The following PUM1 variants were observed in gnomAD, a reference collection of about 807,000 sequenced individuals.
The protein encoded by PUM1 is pumilio homolog 1.
PUM1 carries 13 observed loss-of-function variants against 131.8 expected under a neutral mutation model. That is an observed-to-expected ratio of 0.10 (90% CI 0.06 to 0.16). PUM1 has a LOEUF of 0.16. PUM1 is among the 10% of genes least tolerant of loss of function. The pLI is 1.00. For missense variants in PUM1, 961 were observed against 1,512.4 expected (o/e 0.64, Z 6.05); for synonymous variants, 509 against 556.5 (o/e 0.91, Z 1.20).
At chr1:31,041,352 C>T (rs1006753673) in intron 2 of PUM1, among the ~76,000 whole-genome samples, 22 of 151,212 alleles carry the variant, frequency 1.5e-4, no homozygotes, top group Non-Finnish European at 2.9e-4. Context: ...GCTAGGATTA[C>T]AGGCATGAGC....
intron 9 of PUM1, 40 bp from the exon 10 acceptor site, chr1:30,974,842 C>T (rs116451747): frequency 1.3e-6 from 2 of 1,561,388 alleles, no homozygotes; most frequent in Middle Eastern, 2.0e-4. Context: ...GTCTGAACTA[C>T]TGAGGCTCAT....
rs1641389538 is a variant in PUM1 at position 30,982,389 on chromosome 1, G to A, written c.1159-984C>T. ...ATTACATTTTAGTATGAATAGTATT[G>A]GTATAAAGAAAGGGGATGCCAGTAA... On this transcript the variant is annotated intron_variant, in intron 7 of 21. Transcript: ENST00000426105. Among the ~76,000 whole-genome samples the A allele has an allele frequency of 2.0e-5, 3 of 152,108 alleles. 1 individual carries two copies. The highest frequency in any genetic ancestry group is 6.6e-5 in the Admixed American group (1 of 15,266).
chr1:31,062,803 T>A (rs1393843856), intron 1 of PUM1, among the ~76,000 whole-genome samples: 2 of 152,184 alleles, frequency 1.3e-5, no homozygotes, highest in African/African-American at 4.8e-5. Flanking sequence ...CTACTATCTC[T>A]CTGTTGAATA....
intron 2 of PUM1, among the ~76,000 whole-genome samples, chr1:31,049,323 C>T (rs538860321): frequency 1.3e-5 from 2 of 152,312 alleles, no homozygotes; most frequent in East Asian, 3.9e-4. Context: ...CGAGACCAGC[C>T]TGGCCAACAT....
At chr1:30,975,055 G>C (rs1415492970) in intron 9 of PUM1, among the ~76,000 whole-genome samples, 1 of 152,162 alleles carries the variant, frequency 6.6e-6, no homozygotes, top group Non-Finnish European at 1.5e-5. Context: ...AAAACTAAAA[G>C]GGGGAATCAC....
At position 30,992,453 on chromosome 1, in the gene PUM1, C is replaced by T; in HGVS notation, c.1095G>A (p.Thr365=). Residue 365 remains threonine (T), a synonymous_variant, in exon 7 of 22, where the codon ACG becomes ACA. Coordinates refer to ENST00000426105, the MANE Select transcript of PUM1 (RefSeq NM_001020658.2). ...MEPLQFDYSG[T]QVPVDSAAAT... ...CTGCTGCTGAGTCCACAGGTACCTGCGTGCCTGAATAATCAAACTGAAGAG... is the reference window on the plus strand; with the variant it reads ...CTGCTGCTGAGTCCACAGGTACCTGTGTGCCTGAATAATCAAACTGAAGAG... 2 of 1,614,170 alleles carry T rather than the reference C, an allele frequency of 1.2e-6. No homozygotes were observed. The highest frequency in any genetic ancestry group is 1.7e-5 in the Admixed American group (1 of 60,022).
intron 2 of PUM1, among the ~76,000 whole-genome samples, chr1:31,046,939 C>T (rs1643982888): frequency 6.6e-6 from 1 of 152,232 alleles, no homozygotes; most frequent in African/African-American, 2.4e-5. Context: ...CGCCTGTAAT[C>T]TCAGCACTTT....
chr1:31,044,735 T>C (rs533631821), intron 2 of PUM1, among the ~76,000 whole-genome samples: 2 of 152,314 alleles, frequency 1.3e-5, no homozygotes, highest in African/African-American at 2.4e-5. Flanking sequence ...TGGAGTGCAA[T>C]TGCATGATGT....
intron 2 of PUM1, among the ~76,000 whole-genome samples, chr1:31,039,202 C>A (rs1025006150): frequency 1.4e-5 from 2 of 142,716 alleles, no homozygotes; most frequent in African/African-American, 2.6e-5. Context: ...CTCCCTGTTA[C>A]CCACGCTAAC....
At chr1:31,034,912 G>C (rs534405036) in intron 2 of PUM1, among the ~76,000 whole-genome samples, 2 of 152,214 alleles carry the variant, frequency 1.3e-5, no homozygotes, top group African/African-American at 4.8e-5. Flanking sequence ...GGAAATACCA[G>C]TGAGAAAATG....
chr1:30,950,773 A>G (rs147398643), intron 16 of PUM1, among the ~76,000 whole-genome samples: 1 of 152,332 alleles, frequency 6.6e-6, no homozygotes, highest in East Asian at 1.9e-4. Context: ...AGGCAGGAGA[A>G]TCGCTTGAAC....
intron 14 of PUM1, among the ~76,000 whole-genome samples, chr1:30,956,222 A>C (rs1185533563): frequency 6.6e-6 from 1 of 152,138 alleles, no homozygotes; most frequent in East Asian, 1.9e-4. Context: ...AAGGAGATTA[A>C]CTGAAAAGAA....
Position 30,966,088 on chromosome 1 carries a change from G to A in PUM1, c.1980C>T (p.Leu660=). ...SLNSNSQSSS[L]FSQGSAQPAN... Reference sequence around the variant, plus strand: ...CAGGCTGGGCAGAGCCCTGGGAGAAGAGGGAGCTGCTCTGTGAATTGCTGT... The same window carrying A: ...CAGGCTGGGCAGAGCCCTGGGAGAAAAGGGAGCTGCTCTGTGAATTGCTGT... Residue 660 remains leucine (L), a synonymous_variant, in exon 13 of 22, where the codon CTC becomes CTT. Coordinates refer to ENST00000426105, the MANE Select transcript of PUM1 (RefSeq NM_001020658.2). The A allele has an allele frequency of 6.2e-7, 1 of 1,614,228 alleles. No individual in the cohort carries two copies.
At chr1:30,975,517 A>AT (rs751510345) in intron 9 of PUM1, among the ~76,000 whole-genome samples, 18,133 of 84,104 alleles carry the variant, frequency 0.22, 2,398 homozygotes, top group Non-Finnish European at 0.27. Flanking sequence ...TACCTGACTA[A>AT]TTTTTTTTTT....
intron 3 of PUM1, among the ~76,000 whole-genome samples, chr1:31,024,942 C>T (rs1174558722): frequency 6.6e-6 from 1 of 152,200 alleles, no homozygotes; most frequent in Non-Finnish European, 1.5e-5. Flanking sequence ...CATCGATTAG[C>T]AGACTGATCT....
chr1:30,981,705 A>G (rs1006971010), intron 7 of PUM1, among the ~76,000 whole-genome samples: 3 of 149,886 alleles, frequency 2.0e-5, no homozygotes, highest in Admixed American at 6.7e-5. Flanking sequence ...CACATATGAG[A>G]TATCTATATC....
intron 14 of PUM1, among the ~76,000 whole-genome samples, chr1:30,964,263 T>G (rs539304057): frequency 1.8e-4 from 27 of 152,288 alleles, no homozygotes; most frequent in African/African-American, 6.5e-4. Context: ...TATGTACATA[T>G]AGCAGAGGGG....
chr1:31,026,488 T>C (rs1198126827), intron 3 of PUM1, among the ~76,000 whole-genome samples: 1 of 152,204 alleles, frequency 6.6e-6, no homozygotes, highest in Non-Finnish European at 1.5e-5. Context: ...AAATTTACTC[T>C]TTCTGTTTAT....
chr1:30,939,394 C>G (rs566726470), intron 20 of PUM1, among the ~76,000 whole-genome samples: 1 of 152,222 alleles, frequency 6.6e-6, no homozygotes, highest in Admixed American at 6.5e-5. Context: ...ACTGGGCCCC[C>G]CCGAACCCCT....
Sources: gnomAD v4.1 joint callset for allele counts (sites outside exome capture counted in the v4.1 genomes callset) on GRCh38, gnomAD v4.1.1 for gene constraint, MANE v1.5 for transcripts, NCBI Gene and HGNC (gene_info 2026-07-23, HGNC 2026-07-21) for gene names.